The following NOL11 variants were observed in gnomAD, a reference collection of about 807,000 sequenced individuals.
The protein encoded by NOL11 is nucleolar protein 11.
In NOL11, 42 loss-of-function variants were observed where a neutral mutation model predicts 93.0. That is an observed-to-expected ratio of 0.45 (90% confidence interval 0.35 to 0.58). NOL11 has a LOEUF of 0.58. Ranked by LOEUF, NOL11 falls within the 20% of genes least tolerant of loss-of-function variation. The pLI, the probability that NOL11 is intolerant of heterozygous loss-of-function variation, is 0.00. For synonymous variants in NOL11, 296 were observed against 293.7 expected (o/e 1.01, Z -0.08); for missense variants, 775 against 841.8 (o/e 0.92, Z 0.98).
intron 7 of NOL11, among the ~76,000 whole-genome samples, chr17:67,729,842 G>A (rs1313514751): frequency 6.6e-6 from 1 of 152,160 alleles, no homozygotes; most frequent in Non-Finnish European, 1.5e-5. Context: ...GCCTCCCAAA[G>A]TGCCGGGATT....
chr17:67,727,303 G>A (rs1410763131), intron 7 of NOL11, among the ~76,000 whole-genome samples: 1 of 152,170 alleles, frequency 6.6e-6, no homozygotes, highest in Non-Finnish European at 1.5e-5. Flanking sequence ...TTCAGGCAGT[G>A]CTCTCTATTG....
chr17:67,720,164 G>T (rs1483852540), intron 3 of NOL11, among the ~76,000 whole-genome samples: 1 of 152,152 alleles, frequency 6.6e-6, no homozygotes, highest in East Asian at 1.9e-4. Flanking sequence ...TATAATTGAT[G>T]AATGAGAAAT....
At position 67,737,646 on chromosome 17, in the gene NOL11, C is replaced by T. The variant is rs150891541; in HGVS notation, c.1357C>T (p.Arg453Trp). Reference sequence around the variant, plus strand: ...TAAAGCAGAACCATCATTTTATCCCCGGAACTGTCTGATGCAGCTTATCCA... The same window carrying T: ...TAAAGCAGAACCATCATTTTATCCCTGGAACTGTCTGATGCAGCTTATCCA... ...RCKAEPSFYP[R>W]NCLMQLIQTH... The change falls in exon 12 of 18, where the codon CGG becomes TGG. Residue 453 changes from arginine (R) to tryptophan (W), a missense_variant. Transcript: ENST00000253247. 1.8e-4 allele frequency: 289 copies of T among 1,613,982 alleles called. No homozygotes were observed. Among genetic ancestry groups the T allele is most frequent in the Non-Finnish European group, 2.3e-4 (269 of 1,179,994 alleles).
At chr17:67,725,860 A>G (rs954320906) in intron 6 of NOL11, among the ~76,000 whole-genome samples, 5 of 152,148 alleles carry the variant, frequency 3.3e-5, no homozygotes, top group African/African-American at 1.2e-4. Context: ...CAGGAGGATC[A>G]TTTGAGCCCA....
chr17:67,738,656 AC>A, intron 14 of NOL11: 1 of 452,044 alleles, frequency 2.2e-6, no homozygotes, highest in Non-Finnish European at 3.9e-6. Flanking sequence ...ACATGGCGAG[AC>A]CCCCATCTCT....
In NOL11 at chr17:67,743,903, T is replaced by C. The variant is rs372606648; in HGVS notation, c.*44T>C. 2.6e-4 allele frequency: 259 copies of C among 988,000 alleles called. No individual in the cohort carries two copies. Among genetic ancestry groups the C allele is most frequent in the Non-Finnish European group, 3.5e-4 (232 of 655,250 alleles). 61.2% of individuals were successfully genotyped at this position (988,000 alleles called of 1,614,324 possible). On this transcript the variant is annotated 3_prime_UTR_variant, in exon 18 of 18. Coordinates refer to ENST00000253247, the MANE Select transcript of NOL11 (RefSeq NM_015462.5). ...ATAGACATTTTATAAAGCTCTTTTATGTGAACTCTTGCTTCATCCAGGCAA... is the reference window on the plus strand; with the variant it reads ...ATAGACATTTTATAAAGCTCTTTTACGTGAACTCTTGCTTCATCCAGGCAA...
chr17:67,744,058 T>C lies in NOL11; in HGVS notation c.*199T>C, dbSNP rs1482557610. The C allele has an allele frequency of 1.2e-5, 4 of 321,368 alleles. No homozygotes were observed. Among genetic ancestry groups the C allele is most frequent in the Non-Finnish European group, 1.1e-5 (2 of 177,756 alleles). The allele number at this position is 321,368 out of a possible 1,614,324, so 19.9% of individuals were successfully genotyped here. A position where few individuals can be genotyped will look rare whatever the true frequency, so the allele number is the denominator to read the frequency against. On this transcript the variant is annotated 3_prime_UTR_variant, in exon 18 of 18. Coordinates refer to ENST00000253247, the MANE Select transcript of NOL11 (RefSeq NM_015462.5). Reference sequence around the variant, plus strand: ...ATGAACCTGTTCTAGGCTGTGGACATTGGTGTGGAGAGGTTCTGCAATTTT... The same window carrying C: ...ATGAACCTGTTCTAGGCTGTGGACACTGGTGTGGAGAGGTTCTGCAATTTT...
chr17:67,724,036 T>TG lies in NOL11; in HGVS notation c.520-13_520-12insG, dbSNP rs1472148843. ...AATGGGAATATTTATAAAATAACCT[T>TG]TTTTTTTTGCAGCATGGAAATTACT... On this transcript the variant is annotated splice_polypyrimidine_tract_variant and intron_variant, in intron 5 of 17. Coordinates refer to ENST00000253247, the MANE Select transcript of NOL11 (RefSeq NM_015462.5). 6.7e-7 allele frequency: 1 copy of TG among 1,483,584 alleles called. No individual in the cohort carries two copies. Among genetic ancestry groups the TG allele is most frequent in the East Asian group, 2.3e-5 (1 of 43,078 alleles). The allele number at this position is 1,483,584 out of a possible 1,614,324, so 91.9% of individuals were successfully genotyped here. A position where few individuals can be genotyped will look rare whatever the true frequency, so the allele number is the denominator to read the frequency against.
intron 7 of NOL11, 95 bp downstream of exon 7, chr17:67,726,743 A>C: frequency 1.1e-6 from 1 of 891,334 alleles, no homozygotes; most frequent in Non-Finnish European, 1.6e-6. Flanking sequence ...GTTATTACCC[A>C]GACTAATTCA....
intron 7 of NOL11, among the ~76,000 whole-genome samples, chr17:67,727,842 A>G (rs9901871): frequency 0.073 from 10,836 of 148,724 alleles, 991 homozygotes; most frequent in East Asian, 0.28. Flanking sequence ...TGGCGCACAA[A>G]CCCAGAAGGT....
intron 4 of NOL11, among the ~76,000 whole-genome samples, chr17:67,721,899 T>G (rs1567798445): frequency 6.6e-6 from 1 of 152,226 alleles, no homozygotes; most frequent in Admixed American, 6.5e-5. Context: ...TTTCCCAGAT[T>G]CTGAAATAAA....
intron 8 of NOL11, 83 bp downstream of exon 8, chr17:67,734,522 C>T (rs942521422): frequency 1.2e-6 from 1 of 801,096 alleles, no homozygotes. Flanking sequence ...TGGGGCCTCA[C>T]TCTGTTGCCC....
chr17:67,726,681 T>G, intron 7 of NOL11, 33 bp downstream of exon 7: 4 of 1,476,768 alleles, frequency 2.7e-6, no homozygotes, highest in Non-Finnish European at 3.7e-6. Context: ...AGAAGGCCTT[T>G]GTATGTTTCC....
rs1304510966 is a variant in NOL11, at chr17:67,739,017, G to T, written c.1842+7G>T. ...CCCAGCACAGCATATCACGGTAAGT[G>T]TTCATACAAGTTGTATAGAATTTTA... On this transcript the variant is annotated splice_region_variant and intron_variant, in intron 15 of 17. Transcript: ENST00000253247. 1 of 1,585,684 alleles carries T rather than the reference G, an allele frequency of 6.3e-7. No individual in the cohort carries two copies. The highest frequency in any genetic ancestry group is 1.7e-5 in the Admixed American group (1 of 58,452).
intron 11 of NOL11, 40 bp downstream of exon 11, chr17:67,737,185 G>C (rs867882537): frequency 8.0e-7 from 1 of 1,245,312 alleles, no homozygotes; most frequent in African/African-American, 1.5e-5. Flanking sequence ...TCAAACTCAA[G>C]TGTTCCAAAG....
chr17:67,719,974 A>G lies in NOL11; in HGVS notation c.312+12A>G. 6.5e-7 allele frequency: 1 copy of G among 1,543,778 alleles called. No individual in the cohort carries two copies. The highest frequency in any genetic ancestry group is 2.3e-5 in the East Asian group (1 of 43,838). Reference sequence around the variant, plus strand: ...TATTTAAAGCTACAGTAAGTCTTTGAATTTTCCAACATATTTGTTTAGCTT... The same window carrying G: ...TATTTAAAGCTACAGTAAGTCTTTGGATTTTCCAACATATTTGTTTAGCTT... On this transcript the variant is annotated intron_variant, in intron 3 of 17. Coordinates refer to ENST00000253247, the MANE Select transcript of NOL11 (RefSeq NM_015462.5).
chr17:67,718,876 A>C (rs2043195802), intron 1 of NOL11, among the ~76,000 whole-genome samples: 1 of 152,204 alleles, frequency 6.6e-6, no homozygotes, highest in African/African-American at 2.4e-5. Context: ...TGGGATGTCA[A>C]GTAGATTTGC....
chr17:67,733,014 G>C (rs2055168588), intron 7 of NOL11, among the ~76,000 whole-genome samples: 1 of 152,046 alleles, frequency 6.6e-6, no homozygotes, highest in African/African-American at 2.4e-5. Flanking sequence ...GATTCTTCGA[G>C]ATCTCTATAC....
At chr17:67,742,716 C>T (rs1477540257) in intron 16 of NOL11, among the ~76,000 whole-genome samples, 1 of 152,116 alleles carries the variant, frequency 6.6e-6, no homozygotes, top group East Asian at 1.9e-4. Context: ...AATGGATAGC[C>T]AGTTTCCCGG....
Sources: gnomAD v4.1 joint callset for allele counts (sites outside exome capture counted in the v4.1 genomes callset) on GRCh38, gnomAD v4.1.1 for gene constraint, MANE v1.5 for transcripts, NCBI Gene and HGNC (gene_info 2026-07-23, HGNC 2026-07-21) for gene names.